The following MBOAT4 variants were observed in gnomAD, a reference collection of about 807,000 sequenced individuals.
MBOAT4 encodes the protein membrane-bound ghrelin O-acyltransferase MBOAT4.
A neutral mutation model predicts 13.2 loss-of-function variants in MBOAT4; 11 were observed. That is an observed-to-expected ratio of 0.84 (90% confidence interval 0.53 to 1.38). The LOEUF is 1.38. Among genes scored for constraint, MBOAT4 ranks in the 40% most tolerant of loss-of-function variants. MBOAT4 has a pLI of 0.00. For synonymous variants in MBOAT4, 202 were observed against 210.3 expected (o/e 0.96, Z 0.34); for missense variants, 481 against 527.2 (o/e 0.91, Z 0.86).
intron 1 of MBOAT4, among the ~76,000 whole-genome samples, chr8:30,140,502 C>T (rs1803245367): frequency 6.6e-6 from 1 of 152,196 alleles, no homozygotes; most frequent in Non-Finnish European, 1.5e-5. Flanking sequence ...CTTTTTCTCT[C>T]ATCTGGGCTA....
chr8:30,139,304 C>A (rs1396170733), intron 1 of MBOAT4, among the ~76,000 whole-genome samples: 1 of 151,098 alleles, frequency 6.6e-6, no homozygotes, highest in Non-Finnish European at 1.5e-5. Context: ...CTCTTTGATG[C>A]CCTCCATTCA....
intron 2 of MBOAT4, chr8:30,137,173 C>T: frequency 1.1e-6 from 1 of 926,042 alleles, no homozygotes; most frequent in Non-Finnish European, 1.7e-6. Flanking sequence ...CATGAGATCT[C>T]CAGATCACAA....
chr8:30,143,347 CAA>C (rs776274086), intron 1 of MBOAT4, among the ~76,000 whole-genome samples: 1 of 143,512 alleles, frequency 7.0e-6, no homozygotes. Context: ...GACTCCGTCT[CAA>C]AAAAAAAAAA....
At chr8:30,138,309 T>C in intron 2 of MBOAT4, 1 of 448,146 alleles carries the variant, frequency 2.2e-6, no homozygotes, top group East Asian at 3.5e-5. Context: ...ACTGGGCGGT[T>C]ACACTAACAT....
At position 30,138,713 on chromosome 8, in the gene MBOAT4, C is replaced by T. The variant is rs151018154; in HGVS notation, c.163G>A (p.Ala55Thr). Reference protein sequence around the residue: ...LTGGGALAVAAMGSYAVLVFT... With the variant: ...LTGGGALAVATMGSYAVLVFT... The stretch of plus-strand genomic sequence containing the variant: ...ACGAGCACGGCGTAGGAACCCATGG[C>T]AGCCACGGCCAGGGCACCTCCTCCA... The change falls in exon 2 of 3, where the codon GCC becomes ACC. Residue 55 changes from alanine (A) to threonine (T), a missense_variant. Transcript: ENST00000320542. 9.6e-5 allele frequency: 149 copies of T among 1,550,228 alleles called. 3 individuals are homozygous for T. The African/African-American group carries it at 1.7e-3, about 17-fold the overall frequency.
In MBOAT4 at chr8:30,138,774, C is replaced by T. The variant is rs1803205156; in HGVS notation, c.120-18G>A. 2 of 1,538,828 alleles carry T rather than the reference C, an allele frequency of 1.3e-6. No homozygotes were observed. Among genetic ancestry groups the T allele is most frequent in the East Asian group, 4.9e-5 (2 of 40,858 alleles). ...AGAGGTACCTGAAAGAGAAGGGACA[C>T]CTTGGGGAGAATGACTTAGAACGGC... On this transcript the variant is annotated intron_variant, in intron 1 of 2. Coordinates refer to ENST00000320542, the MANE Select transcript of MBOAT4 (RefSeq NM_001100916.2).
intron 1 of MBOAT4, among the ~76,000 whole-genome samples, chr8:30,140,419 C>A (rs9297202): frequency 0.026 from 3,947 of 152,246 alleles, 186 homozygotes; most frequent in African/African-American, 0.09. Flanking sequence ...TTTGTCAGCA[C>A]CAACACTGGC....
chr8:30,137,163 C>A, intron 2 of MBOAT4: 1 of 846,906 alleles, frequency 1.2e-6, no homozygotes, highest in Non-Finnish European at 1.9e-6. Flanking sequence ...GAGCCAGGAA[C>A]ATGAGATCTC....
In MBOAT4 at chr8:30,138,606, C is replaced by T. The variant is rs1347011291; in HGVS notation, c.270G>A (p.Gln90=). 1 of 1,551,664 alleles carries T rather than the reference C, an allele frequency of 6.4e-7. No homozygotes were observed. The highest frequency in any genetic ancestry group is 1.4e-5 in the African/African-American group (1 of 73,166). The change falls in exon 2 of 3, where the codon CAG becomes CAA. Residue 90 remains glutamine (Q), a synonymous_variant. Transcript: ENST00000320542. ...GGTGACACAAGGTCTGCCAGCTCAT[C>T]TGAAAGCAGAAGGTCCACCTGTGGA... ...QQVHRWTFCF[Q]MSWQTLCHLG...
intron 2 of MBOAT4, among the ~76,000 whole-genome samples, chr8:30,136,988 G>A (rs1803161081): frequency 6.6e-6 from 1 of 151,786 alleles, no homozygotes; most frequent in African/African-American, 2.4e-5. Context: ...GTGCCTGGCT[G>A]AAAATAGTCT....
At chr8:30,140,574 T>C (rs1280767098) in intron 1 of MBOAT4, among the ~76,000 whole-genome samples, 1 of 152,220 alleles carries the variant, frequency 6.6e-6, no homozygotes, top group South Asian at 2.1e-4. Context: ...TCATAAATCA[T>C]GCCACTTATC....
chr8:30,139,388 G>C (rs1412157735), intron 1 of MBOAT4, among the ~76,000 whole-genome samples: 1 of 151,352 alleles, frequency 6.6e-6, no homozygotes, highest in South Asian at 2.1e-4. Flanking sequence ...GGACATCTTT[G>C]AAATCTCCTG....
At chr8:30,136,814 AGTAGCTGG>A (rs1164257401) in intron 2 of MBOAT4, among the ~76,000 whole-genome samples, 5 of 149,802 alleles carry the variant, frequency 3.3e-5, no homozygotes, top group African/African-American at 1.2e-4. Flanking sequence ...CAGCCTCCCG[AGTAGCTGG>A]GATTCCAGGC....
chr8:30,142,105 T>C (rs1252080765), intron 1 of MBOAT4, among the ~76,000 whole-genome samples: 2 of 152,238 alleles, frequency 1.3e-5, no homozygotes, highest in Admixed American at 6.5e-5. Context: ...ACATGGACAA[T>C]GTAGAATGTG....
chr8:30,132,561 C>T lies in MBOAT4; in HGVS notation c.690G>A (p.Ala230=), dbSNP rs978057179. The change falls in exon 3 of 3, where the codon GCG becomes GCA. Residue 230 remains alanine (A), a synonymous_variant. Transcript: ENST00000320542. The part of the protein sequence containing the change: ...VAVSRVVDAG[A]GLTDCQQFEC... ...CGAATTGCTGGCAATCAGTCAGTCC[C>T]GCTCCTGCATCCACCACCCTGCTCA... 7 of 1,551,592 alleles carry T rather than the reference C, an allele frequency of 4.5e-6. No individual in the cohort carries two copies. Among genetic ancestry groups the T allele is most frequent in the African/African-American group, 2.7e-5 (2 of 73,034 alleles).
At chr8:30,137,897 G>A (rs947025963) in intron 2 of MBOAT4, 1 of 250,780 alleles carries the variant, frequency 4.0e-6, no homozygotes, top group Non-Finnish European at 7.9e-6. Context: ...AATTGCTCCT[G>A]GGGATAACAT....
intron 2 of MBOAT4, chr8:30,137,487 C>T (rs1400192456): frequency 3.2e-6 from 5 of 1,551,432 alleles, no homozygotes; most frequent in Non-Finnish European, 4.4e-6. Flanking sequence ...TTTGCCCTCC[C>T]TCTCAGGCAC....
At chr8:30,134,215 G>A (rs1198599833) in intron 2 of MBOAT4, among the ~76,000 whole-genome samples, 1 of 152,176 alleles carries the variant, frequency 6.6e-6, no homozygotes, top group Non-Finnish European at 1.5e-5. Context: ...ACGAGGTCAA[G>A]AGATCGAGAC....
intron 1 of MBOAT4, among the ~76,000 whole-genome samples, chr8:30,143,710 G>T (rs996665428): frequency 1.3e-5 from 2 of 152,032 alleles, no homozygotes; most frequent in African/African-American, 4.8e-5. Flanking sequence ...TCATTTCTCT[G>T]AGAATTCATA....
Sources: gnomAD v4.1 joint callset for allele counts (sites outside exome capture counted in the v4.1 genomes callset) on GRCh38, gnomAD v4.1.1 for gene constraint, MANE v1.5 for transcripts, NCBI Gene and HGNC (gene_info 2026-07-23, HGNC 2026-07-21) for gene names.